TTC28: variants seen among roughly 807,000 people sequenced by gnomAD.
TTC28 encodes tetratricopeptide repeat protein 28.
A neutral mutation model predicts 198.0 loss-of-function variants in TTC28; 61 were observed. That is an observed-to-expected ratio of 0.31 (90% CI 0.25 to 0.38). TTC28 has a LOEUF of 0.38. Among genes scored for constraint, TTC28 ranks in the 10% least tolerant of loss-of-function variants. The probability of loss-of-function intolerance (pLI) is 1.00; values close to 1 mark genes in which losing one functional copy is unlikely to be tolerated. For synonymous variants in TTC28, 1,171 were observed against 1,297.8 expected (o/e 0.90, Z 2.10); for missense variants, 2,678 against 3,164.0 (o/e 0.85, Z 3.69).
chr22:28,352,419 AAAAAC>A (rs2046013489), intron 2 of TTC28, among the ~76,000 whole-genome samples: 1 of 152,030 alleles, frequency 6.6e-6, no homozygotes. Flanking sequence ...CTCCAAATCT[AAAAAC>A]AAAGAATGAG....
chr22:28,090,779 A>G (rs1380812930), intron 12 of TTC28, among the ~76,000 whole-genome samples: 3 of 152,222 alleles, frequency 2.0e-5, no homozygotes, highest in Non-Finnish European at 4.4e-5. Flanking sequence ...TGTTTTCATG[A>G]AACTATGAGA....
At chr22:28,402,478 G>GT (rs1207983316) in intron 2 of TTC28, among the ~76,000 whole-genome samples, 1 of 152,136 alleles carries the variant, frequency 6.6e-6, no homozygotes, top group Non-Finnish European at 1.5e-5. Context: ...TGATCATTAC[G>GT]TGTCATTGGT....
At chr22:28,538,239 C>T (rs2049335869) in intron 2 of TTC28, among the ~76,000 whole-genome samples, 1 of 152,052 alleles carries the variant, frequency 6.6e-6, no homozygotes, top group African/African-American at 2.4e-5. Context: ...CACATGCCAC[C>T]AAGCCTGGCT....
chr22:28,505,256 CAAA>C (rs35503278), intron 2 of TTC28, among the ~76,000 whole-genome samples: 5 of 75,402 alleles, frequency 6.6e-5, no homozygotes, highest in Non-Finnish European at 2.6e-5. Context: ...GACTCCGTCT[CAAA>C]AAAAAAAAAA....
intron 16 of TTC28, chr22:27,997,813 G>C (rs1156629148): frequency 2.0e-5 from 3 of 152,498 alleles, no homozygotes; most frequent in Non-Finnish European, 2.9e-5. Flanking sequence ...TTTGTACTCT[G>C]TGAGTCTTGG....
chr22:28,492,987 C>T (rs865916804), intron 2 of TTC28, among the ~76,000 whole-genome samples: 2 of 146,412 alleles, frequency 1.4e-5, no homozygotes, highest in African/African-American at 5.1e-5. Context: ...AGAGATTGAG[C>T]ACTGAAAAGG....
At chr22:28,025,256 G>C (rs560231402) in intron 13 of TTC28, among the ~76,000 whole-genome samples, 5 of 152,298 alleles carry the variant, frequency 3.3e-5, no homozygotes, top group Non-Finnish European at 5.9e-5. Flanking sequence ...TCAGACTCAA[G>C]GTGGGGAGAG....
chr22:28,445,313 A>C (rs565728256), intron 2 of TTC28, among the ~76,000 whole-genome samples: 49 of 152,334 alleles, frequency 3.2e-4, no homozygotes, highest in Non-Finnish European at 5.3e-4. Flanking sequence ...CAGAACCAAA[A>C]ACCTGTAAGA....
intron 1 of TTC28, among the ~76,000 whole-genome samples, chr22:28,641,974 T>C (rs2051373240): frequency 6.6e-6 from 1 of 152,038 alleles, no homozygotes; most frequent in South Asian, 2.1e-4. Flanking sequence ...ATTCAATAGG[T>C]TTGGAACAGG....
intron 2 of TTC28, among the ~76,000 whole-genome samples, chr22:28,550,952 A>C (rs901714863): frequency 9.9e-5 from 15 of 152,170 alleles, no homozygotes; most frequent in African/African-American, 3.4e-4. Context: ...ATAGCAGTTA[A>C]AAAAGACAAA....
At chr22:28,090,119 A>G (rs1724814275) in intron 12 of TTC28, among the ~76,000 whole-genome samples, 1 of 151,980 alleles carries the variant, frequency 6.6e-6, no homozygotes, top group Non-Finnish European at 1.5e-5. Context: ...TATAATAATA[A>G]TAAAAAAAGT....
At position 28,108,280 on chromosome 22, in the gene TTC28, T is replaced by C; in HGVS notation, c.1565A>G (p.Asn522Ser). ...AQGRAYGNMG[N>S]AYNALGMYDQ... ...GTACATGCCCAGGGCATTGTAGGCA[T>C]TGCCCATATTCCCATAGGCACGGCC... The change falls in exon 7 of 23, where the codon AAT (asparagine) becomes AGT (serine). Residue 522 changes from asparagine to serine, a missense_variant. Around this residue, in one of 8 missense-constraint regions of TTC28, gnomAD observed 775 missense variants for 845.9 expected, o/e 0.92. Transcript: ENST00000397906. The C allele has an allele frequency of 6.5e-7, 1 of 1,548,126 alleles. No individual in the cohort carries two copies. Among genetic ancestry groups the C allele is most frequent in the Non-Finnish European group, 8.7e-7 (1 of 1,144,156 alleles).
At chr22:28,431,005 A>C (rs1200726856) in intron 2 of TTC28, among the ~76,000 whole-genome samples, 2 of 151,732 alleles carry the variant, frequency 1.3e-5, no homozygotes, top group African/African-American at 2.4e-5. Context: ...TTAAAATACT[A>C]CTCTACCGTG....
At chr22:28,255,686 A>G (rs1003548220) in intron 5 of TTC28, among the ~76,000 whole-genome samples, 3 of 151,930 alleles carry the variant, frequency 2.0e-5, no homozygotes, top group Non-Finnish European at 4.4e-5. Flanking sequence ...CGTCTCAAAA[A>G]AAAAAAAAAA....
At chr22:28,509,026 A>G (rs575932867) in intron 2 of TTC28, among the ~76,000 whole-genome samples, 1 of 152,104 alleles carries the variant, frequency 6.6e-6, no homozygotes, top group South Asian at 2.1e-4. Flanking sequence ...CCGCATCTCT[A>G]CTAAAAATAC....
intron 2 of TTC28, among the ~76,000 whole-genome samples, chr22:28,392,732 G>A (rs537129909): frequency 9.2e-5 from 14 of 151,870 alleles, no homozygotes; most frequent in African/African-American, 1.2e-4. Flanking sequence ...ACTGACCTGC[G>A]CCCACTGTCT....
intron 2 of TTC28, among the ~76,000 whole-genome samples, chr22:28,551,899 A>G (rs1476669163): frequency 2.0e-5 from 3 of 152,200 alleles, no homozygotes; most frequent in African/African-American, 7.2e-5. Context: ...AAGAGAAAAA[A>G]ATAAAGCACA....
chr22:28,020,236 T>A (rs535407315), intron 13 of TTC28, among the ~76,000 whole-genome samples: 1 of 152,242 alleles, frequency 6.6e-6, no homozygotes, highest in Non-Finnish European at 1.5e-5. Context: ...TTTCTCACAG[T>A]CTGTCCCATG....
At chr22:28,316,345 G>GTAA (rs1338037479) in intron 2 of TTC28, among the ~76,000 whole-genome samples, 2 of 152,078 alleles carry the variant, frequency 1.3e-5, no homozygotes, top group Non-Finnish European at 2.9e-5. Context: ...GTTGATTACT[G>GTAA]TAATTTTTTA....
Sources: allele counts gnomAD v4.1 joint callset (sites outside exome capture counted in the v4.1 genomes callset), GRCh38; gene constraint gnomAD v4.1.1; regional missense constraint gnomAD v4.1.1; transcripts MANE v1.5; gene names NCBI Gene and HGNC (gene_info 2026-07-23, HGNC 2026-07-21).